The following INO80 variants were observed in gnomAD, a reference collection of about 807,000 sequenced individuals.
The protein encoded by INO80 is chromatin-remodeling ATPase INO80.
In INO80, 20 loss-of-function variants were observed where a neutral mutation model predicts 203.4. The ratio of observed to expected loss-of-function variants is 0.10; its 90% CI spans 0.07 to 0.14. The LOEUF (loss-of-function observed/expected upper bound fraction) is 0.14, where lower values mean the gene tolerates loss of function less well. INO80 is among the 10% of genes least tolerant of loss of function. The probability of loss-of-function intolerance (pLI) is 1.00; values close to 1 mark genes in which losing one functional copy is unlikely to be tolerated. For missense variants in INO80, 1,419 were observed against 1,914.4 expected (o/e 0.74, Z 4.83); for synonymous variants, 726 against 685.2 (o/e 1.06, Z -0.93).
intron 11 of INO80, among the ~76,000 whole-genome samples, 165 bp from the exon 12 acceptor site, chr15:41,072,223 C>A (rs573939748): frequency 2.0e-5 from 3 of 151,948 alleles, no homozygotes; most frequent in South Asian, 2.1e-4. Flanking sequence ...GACATCATTT[C>A]TATAAAACAT....
intron 1 of INO80, among the ~76,000 whole-genome samples, chr15:41,114,714 A>G (rs1462187212): frequency 6.6e-6 from 1 of 152,148 alleles, no homozygotes; most frequent in Non-Finnish European, 1.5e-5. Flanking sequence ...GTCTCAAAAA[A>G]AAAAAAAAAA....
At chr15:40,996,354 A>C (rs958613769) in intron 29 of INO80, among the ~76,000 whole-genome samples, 1 of 152,058 alleles carries the variant, frequency 6.6e-6, no homozygotes, top group African/African-American at 2.4e-5. Flanking sequence ...AGACAGTCTC[A>C]CTCTGTCGCC....
intron 14 of INO80, among the ~76,000 whole-genome samples, chr15:41,065,330 C>T (rs1210823826): frequency 6.6e-6 from 1 of 151,364 alleles, no homozygotes; most frequent in Non-Finnish European, 1.5e-5. Context: ...CCCAGCTACT[C>T]GGGAGGCTGA....
intron 29 of INO80, among the ~76,000 whole-genome samples, chr15:40,988,843 C>T (rs2043777128): frequency 6.6e-6 from 1 of 152,150 alleles, no homozygotes; most frequent in African/African-American, 2.4e-5. Flanking sequence ...GGTGAAACCC[C>T]ATCTCTACTA....
At chr15:41,031,600 AGGGAGGAAGGGAGG>A (rs2044472166) in intron 24 of INO80, among the ~76,000 whole-genome samples, 2 of 2,050 alleles carry the variant, frequency 9.8e-4, no homozygotes, top group Admixed American at 6.9e-3. Context: ...GGAGGGAGGG[AGGGAGGAAGGGAGG>A]AGGGAGGAAG....
At chr15:41,003,458 T>A (rs2043994173) in intron 28 of INO80, among the ~76,000 whole-genome samples, 1 of 150,066 alleles carries the variant, frequency 6.7e-6, no homozygotes, top group Non-Finnish European at 1.5e-5. Flanking sequence ...GCCTCCCGAG[T>A]AGCTGGGATT....
At chr15:41,081,583 A>G (rs1214712288) in intron 7 of INO80, among the ~76,000 whole-genome samples, 1 of 152,164 alleles carries the variant, frequency 6.6e-6, no homozygotes, top group Non-Finnish European at 1.5e-5. Flanking sequence ...CTCTAAAACT[A>G]AACTCCAAGG....
At chr15:41,029,964 C>T (rs2044434906) in intron 24 of INO80, among the ~76,000 whole-genome samples, 1 of 152,232 alleles carries the variant, frequency 6.6e-6, no homozygotes, top group African/African-American at 2.4e-5. Context: ...CTGGGACATC[C>T]ACTGTCAATC....
chr15:41,023,225 C>T, intron 25 of INO80: 2 of 452,184 alleles, frequency 4.4e-6, no homozygotes, highest in Non-Finnish European at 4.4e-6. Context: ...CAAATAAATA[C>T]AGGAATACAA....
Position 40,983,784 on chromosome 15 carries a change from G to A in INO80, c.4215C>T (p.Gly1405=). 1 of 1,612,506 alleles carries A rather than the reference G, an allele frequency of 6.2e-7. No individual in the cohort carries two copies. The highest frequency in any genetic ancestry group is 8.5e-7 in the Non-Finnish European group (1 of 1,180,030). Residue 1405 remains glycine, a synonymous_variant, in exon 34 of 36, where the codon GGC becomes GGT. Coordinates refer to ENST00000648947, the MANE Select transcript of INO80 (RefSeq NM_017553.3). ...TACCATTCACGGTATCTGAGACGGAGCCTGTTATGGATGCGGGAGAGTTGG... is the reference window on the plus strand; with the variant it reads ...TACCATTCACGGTATCTGAGACGGAACCTGTTATGGATGCGGGAGAGTTGG... ...RATNSPASIT[G]SVSDTVNGIS...
chr15:41,065,057 A>G (rs2045185372), intron 14 of INO80, among the ~76,000 whole-genome samples: 1 of 152,158 alleles, frequency 6.6e-6, no homozygotes, highest in African/African-American at 2.4e-5. Flanking sequence ...TATGACTTTC[A>G]ACTTTGTATG....
At chr15:41,091,436 C>T (rs1287593376) in intron 5 of INO80, among the ~76,000 whole-genome samples, 1 of 152,012 alleles carries the variant, frequency 6.6e-6, no homozygotes, top group Non-Finnish European at 1.5e-5. Context: ...AAACATGTGC[C>T]ATGTGGTTTG....
chr15:41,072,452 G>A (rs1321160038), intron 11 of INO80, among the ~76,000 whole-genome samples: 1 of 151,674 alleles, frequency 6.6e-6, no homozygotes, highest in Non-Finnish European at 1.5e-5. Flanking sequence ...CAGGCGCAGT[G>A]GCTCACGCCT....
chr15:41,065,335 GGCTGAGGCAAAATT>G (rs2045190870), intron 14 of INO80, among the ~76,000 whole-genome samples: 1 of 151,490 alleles, frequency 6.6e-6, no homozygotes. Context: ...CTACTCGGGA[GGCTGAGGCAAAATT>G]GCTTGAACCT....
chr15:41,043,769 A>C (rs1218805311), intron 24 of INO80, among the ~76,000 whole-genome samples: 1 of 152,204 alleles, frequency 6.6e-6, no homozygotes, highest in African/African-American at 2.4e-5. Context: ...TTCACTCAGA[A>C]TAAATTCCAA....
intron 29 of INO80, among the ~76,000 whole-genome samples, chr15:40,996,487 A>G (rs561712245): frequency 6.7e-6 from 1 of 149,706 alleles, no homozygotes; most frequent in East Asian, 2.0e-4. Flanking sequence ...ACGCCCGGCT[A>G]TTTTTTTTGT....
chr15:40,985,575 T>TG (rs1424131608), intron 31 of INO80, 149 bp from the exon 32 acceptor site: 1 of 666,488 alleles, frequency 1.5e-6, no homozygotes, highest in Non-Finnish European at 2.6e-6. Flanking sequence ...TTTTCTAACT[T>TG]GGATTCTCAA....
chr15:41,076,308 C>T (rs955853802), intron 9 of INO80, among the ~76,000 whole-genome samples: 3 of 151,944 alleles, frequency 2.0e-5, no homozygotes, highest in African/African-American at 4.8e-5. Context: ...TGCAGTGAGC[C>T]GAGGTCACGC....
At chr15:41,020,555 G>A (rs1351085149) in intron 26 of INO80, among the ~76,000 whole-genome samples, 5 of 151,814 alleles carry the variant, frequency 3.3e-5, no homozygotes, top group African/African-American at 9.7e-5. Flanking sequence ...TGTGAGTGAC[G>A]ACATTCTCAT....
Sources: allele counts gnomAD v4.1 joint callset (sites outside exome capture counted in the v4.1 genomes callset), GRCh38; gene constraint gnomAD v4.1.1; transcripts MANE v1.5; gene names NCBI Gene and HGNC (gene_info 2026-07-23, HGNC 2026-07-21).